Variants in PIP4K2B observed in about 807,000 individuals in gnomAD.
The protein encoded by PIP4K2B is phosphatidylinositol-5-phosphate 4-kinase type 2 beta, also known as phosphatidylinositol 5-phosphate 4-kinase type-2 beta.
PIP4K2B carries 3 observed loss-of-function variants against 42.0 expected under a neutral mutation model. That is an observed-to-expected ratio of 0.07 (90% CI 0.03 to 0.18). The LOEUF (loss-of-function observed/expected upper bound fraction) is 0.18, where lower values mean the gene tolerates loss of function less well. Among genes scored for constraint, PIP4K2B ranks in the 10% least tolerant of loss-of-function variants. The pLI is 1.00. For missense variants in PIP4K2B, 332 were observed against 562.3 expected, an observed-to-expected ratio of 0.59 and a Z score of 4.14; for synonymous variants, 204 against 210.1, an observed-to-expected ratio of 0.97 and a Z score of 0.25.
intron 7 of PIP4K2B, among the ~76,000 whole-genome samples, chr17:38,777,063 A>C (rs1598046411): frequency 6.6e-6 from 1 of 151,776 alleles, no homozygotes; most frequent in East Asian, 1.9e-4. Flanking sequence ...TGCTTAGCCA[A>C]CTTTTTCGGT....
rs1287008556 is a variant in PIP4K2B, at chr17:38,775,075, G to A, written c.807+2612C>T. On this transcript the variant is annotated intron_variant, in intron 7 of 9. Coordinates refer to ENST00000619039, the MANE Select transcript of PIP4K2B (RefSeq NM_003559.5). ...TGCCATTCTCCTGCCTCAGCCTCCC[G>A]AGTAGCTGGGACTACAGGCGCCCAC... Among the ~76,000 whole-genome samples, 7 of 151,674 alleles carry A rather than the reference G, an allele frequency of 4.6e-5. No individual in the cohort carries two copies. The South Asian group carries it at 6.3e-4, about 14-fold the overall frequency.
At position 38,769,403 on chromosome 17, in the gene PIP4K2B, G is replaced by A. The variant is rs1640997233; in HGVS notation, c.*288C>T. 2 of 443,426 alleles carry A rather than the reference G, an allele frequency of 4.5e-6. No homozygotes were observed. Among genetic ancestry groups the A allele is most frequent in the Non-Finnish European group, 8.1e-6 (2 of 247,368 alleles). The allele number at this position is 443,426 out of a possible 1,614,324, so 27.5% of individuals were successfully genotyped here. A position where few individuals can be genotyped will look rare whatever the true frequency, so the allele number is the denominator to read the frequency against. On this transcript the variant is annotated 3_prime_UTR_variant, in exon 10 of 10. Coordinates refer to ENST00000619039, the MANE Select transcript of PIP4K2B (RefSeq NM_003559.5). ...CCAAGGTATCTTAAAAGGTTACAAGGTACCAAAAAGGGAACCCCTTTTTAA... is the reference window on the plus strand; with the variant it reads ...CCAAGGTATCTTAAAAGGTTACAAGATACCAAAAAGGGAACCCCTTTTTAA...
At chr17:38,778,437 G>A (rs1909491470) in intron 5 of PIP4K2B, 65 bp from the exon 6 acceptor site, 3 of 1,453,624 alleles carry the variant, frequency 2.1e-6, no homozygotes. Flanking sequence ...GAGCAAACAT[G>A]GGAGAGCCAG....
intron 1 of PIP4K2B, among the ~76,000 whole-genome samples, chr17:38,787,568 C>A (rs529238872): frequency 6.6e-5 from 10 of 152,112 alleles, no homozygotes; most frequent in Non-Finnish European, 1.2e-4. Flanking sequence ...TAGAGTTAAG[C>A]TAGGCAATAC....
At chr17:38,796,654 C>G (rs970262849) in intron 1 of PIP4K2B, among the ~76,000 whole-genome samples, 1 of 152,186 alleles carries the variant, frequency 6.6e-6, no homozygotes, top group Non-Finnish European at 1.5e-5. Flanking sequence ...ACACCAAGTT[C>G]AAAGTCCTCT....
intron 3 of PIP4K2B, among the ~76,000 whole-genome samples, chr17:38,781,236 G>A (rs1909694355): frequency 6.6e-6 from 1 of 151,996 alleles, no homozygotes; most frequent in Non-Finnish European, 1.5e-5. Context: ...TCTATGCAAG[G>A]CTGGGAGGCA....
intron 7 of PIP4K2B, among the ~76,000 whole-genome samples, chr17:38,772,993 G>A (rs1399624714): frequency 1.3e-5 from 2 of 152,088 alleles, no homozygotes; most frequent in African/African-American, 4.8e-5. Context: ...TTGTGAAGAA[G>A]GAAAAAAAAT....
In PIP4K2B at chr17:38,768,059, C is replaced by T. The variant is rs1318427324; in HGVS notation, c.*1632G>A. 3 of 152,218 alleles carry T rather than the reference C, an allele frequency of 2.0e-5. No individual in the cohort carries two copies. The highest frequency in any genetic ancestry group is 2.9e-5 in the Non-Finnish European group (2 of 68,036). The allele number at this position is 152,218 out of a possible 1,614,324, so 9.4% of individuals were successfully genotyped here. A position where few individuals can be genotyped will look rare whatever the true frequency, so the allele number is the denominator to read the frequency against. ...ACAGAGACAGTGCTGGTTCCTGCTTCGGAAGCTGGGCTTGGCCAGGTTTGG... is the reference window on the plus strand; with the variant it reads ...ACAGAGACAGTGCTGGTTCCTGCTTTGGAAGCTGGGCTTGGCCAGGTTTGG... On this transcript the variant is annotated 3_prime_UTR_variant, in exon 10 of 10. Transcript: ENST00000619039.
rs1908708997 is a variant in PIP4K2B, at chr17:38,766,421, G to C, written c.*3270C>G. The C allele has an allele frequency of 6.5e-6, 1 of 152,696 alleles. No individual in the cohort carries two copies. Among genetic ancestry groups the C allele is most frequent in the Non-Finnish European group, 1.5e-5 (1 of 68,070 alleles). 9.5% of individuals were successfully genotyped at this position (152,696 alleles called of 1,614,324 possible). On this transcript the variant is annotated 3_prime_UTR_variant, in exon 10 of 10. Coordinates refer to ENST00000619039, the MANE Select transcript of PIP4K2B (RefSeq NM_003559.5). The stretch of plus-strand genomic sequence containing the variant: ...TGAATTGGTAAAAAGACAACTGGGG[G>C]GTAGGACTGGCTACTGCAAAAAGTC...
chr17:38,774,922 T>C (rs1909245901), intron 7 of PIP4K2B, among the ~76,000 whole-genome samples: 1 of 151,772 alleles, frequency 6.6e-6, no homozygotes, highest in African/African-American at 2.4e-5. Flanking sequence ...ATCCATACAA[T>C]GGAATATTAA....
At chr17:38,778,794 G>C (rs1018229494) in intron 5 of PIP4K2B, among the ~76,000 whole-genome samples, 4 of 152,154 alleles carry the variant, frequency 2.6e-5, no homozygotes, top group Non-Finnish European at 4.4e-5. Context: ...GTAGTATTTG[G>C]GCTGAGCTCA....
intron 9 of PIP4K2B, 62 bp from the exon 10 acceptor site, chr17:38,769,833 TG>T (rs1251700984): frequency 2.0e-6 from 3 of 1,479,190 alleles, no homozygotes; most frequent in Admixed American, 1.7e-5. Context: ...AGGCTGCACA[TG>T]GGGGGAGCCA....
intron 5 of PIP4K2B, 147 bp from the exon 6 acceptor site, chr17:38,778,519 C>G (rs1389586262): frequency 6.5e-6 from 5 of 770,148 alleles, no homozygotes; most frequent in Non-Finnish European, 1.2e-5. Context: ...TTTACTGTGT[C>G]AAGCCCACTT....
At position 38,768,323 on chromosome 17, in the gene PIP4K2B, G is replaced by C. The variant is rs1156392760; in HGVS notation, c.*1368C>G. 1.3e-5 allele frequency: 2 copies of C among 152,412 alleles called. No homozygotes were observed. Among genetic ancestry groups the C allele is most frequent in the African/African-American group, 4.8e-5 (2 of 41,478 alleles). The allele number at this position is 152,412 out of a possible 1,614,324, so 9.4% of individuals were successfully genotyped here. A position where few individuals can be genotyped will look rare whatever the true frequency, so the allele number is the denominator to read the frequency against. ...CCTGGGTGGCAGGCTCCGAAGGCAG[G>C]TGGAACACCTGCAGGAAGCCACTCC... On this transcript the variant is annotated 3_prime_UTR_variant, in exon 10 of 10. Transcript: ENST00000619039.
intron 7 of PIP4K2B, 152 bp downstream of exon 7, chr17:38,777,535 T>G: frequency 1.6e-6 from 1 of 626,084 alleles, no homozygotes; most frequent in Non-Finnish European, 2.9e-6. Flanking sequence ...TGCACTTGCT[T>G]TAGGTGCCCA....
rs1232500077 is a variant in PIP4K2B at position 38,767,865 on chromosome 17, G to A, written c.*1826C>T. 6.6e-6 allele frequency: 1 copy of A among 152,242 alleles called. No individual in the cohort carries two copies. The highest frequency in any genetic ancestry group is 1.5e-5 in the Non-Finnish European group (1 of 68,048). The allele number at this position is 152,242 out of a possible 1,614,324, so 9.4% of individuals were successfully genotyped here. ...TTTCAAGTTCCCTAAGTCATGTAGT[G>A]GTCTTGCGGCAGTTGTTCAGACCTA... On this transcript the variant is annotated 3_prime_UTR_variant, in exon 10 of 10. Transcript: ENST00000619039.
chr17:38,781,368 A>T (rs1909703531), intron 3 of PIP4K2B, among the ~76,000 whole-genome samples: 1 of 151,918 alleles, frequency 6.6e-6, no homozygotes, highest in African/African-American at 2.4e-5. Context: ...AACCAAAGGG[A>T]TATGTTCACC....
intron 1 of PIP4K2B, among the ~76,000 whole-genome samples, chr17:38,797,415 TCCTGAGACTTG>T (rs1314861643): frequency 6.6e-6 from 1 of 152,096 alleles, no homozygotes; most frequent in Admixed American, 6.6e-5. Flanking sequence ...TTCGCATCTA[TCCTGAGACTTG>T]GCTGAGGGAG....
At position 38,791,360 on chromosome 17, in the gene PIP4K2B, C is replaced by T. The variant is rs1027418099; in HGVS notation, c.160-4440G>A. On this transcript the variant is annotated intron_variant, in intron 1 of 9. Transcript: ENST00000619039. ...CAACCTCAGGGTAAAGTTTTAACTG[C>T]TTAGCCTGGCATTCAAGGCCTTTCC... Among the ~76,000 whole-genome samples the T allele has an allele frequency of 4.7e-5, 7 of 149,596 alleles. No individual in the cohort carries two copies. In the South Asian group the frequency reaches 1.5e-3, roughly 31 times the overall value.
Sources: allele counts gnomAD v4.1 joint callset (sites outside exome capture counted in the v4.1 genomes callset), GRCh38; gene constraint gnomAD v4.1.1; transcripts MANE v1.5; gene names NCBI Gene and HGNC (gene_info 2026-07-23, HGNC 2026-07-21).